DAPK2: variants seen among roughly 807,000 people sequenced by gnomAD.
DAPK2 encodes the protein death-associated protein kinase 2.
Under a neutral mutation model 44.1 loss-of-function variants are expected in DAPK2, and 35 were observed. The ratio of observed to expected loss-of-function variants is 0.79; its 90% confidence interval spans 0.61 to 1.05. The LOEUF (loss-of-function observed/expected upper bound fraction) is 1.05, where lower values mean the gene tolerates loss of function less well. Among genes scored for constraint, DAPK2 ranks in the 50% least tolerant of loss-of-function variants. The pLI, the probability that DAPK2 is intolerant of heterozygous loss-of-function variation, is 0.00. For synonymous variants in DAPK2, 174 were observed against 182.6 expected, an observed-to-expected ratio of 0.95 and a Z score of 0.38; for missense variants, 453 against 483.2, an observed-to-expected ratio of 0.94 and a Z score of 0.59.
intron 2 of DAPK2, among the ~76,000 whole-genome samples, chr15:63,979,718 G>C (rs934941074): frequency 6.6e-6 from 1 of 152,094 alleles, no homozygotes; most frequent in African/African-American, 2.4e-5. Context: ...TTCAAGACCA[G>C]TCTGGCCAAC....
At chr15:63,932,406 A>G (rs551702776) in intron 4 of DAPK2, among the ~76,000 whole-genome samples, 15 of 137,370 alleles carry the variant, frequency 1.1e-4, no homozygotes, top group African/African-American at 4.1e-4. Flanking sequence ...TGGAGGTTGC[A>G]GTTGAGCTGA....
At position 64,046,237 on chromosome 15, in the gene DAPK2, T is replaced by G. The variant is rs2080459481; in HGVS notation, c.-7+61A>C. 1.4e-6 allele frequency: 1 copy of G among 740,374 alleles called. No homozygotes were observed. The highest frequency in any genetic ancestry group is 1.7e-6 in the Non-Finnish European group (1 of 605,984). 45.9% of individuals were successfully genotyped at this position (740,374 alleles called of 1,614,324 possible). On this transcript the variant is annotated intron_variant, in intron 1 of 11. Coordinates refer to the DAPK2 transcript ENST00000457488. The surrounding 1 kb of genome is among the most constrained non-coding windows in gnomAD (Gnocchi z 5.3). The stretch of plus-strand genomic sequence containing the variant: ...CCCCGCCAGCCCCAGACCCGGGCGC[T>G]GCTGCCGTCAGGCCGCGCGCCCCGT...
intron 3 of DAPK2, among the ~76,000 whole-genome samples, chr15:63,951,366 C>T (rs943010693): frequency 6.6e-5 from 10 of 152,112 alleles, no homozygotes; most frequent in Non-Finnish European, 1.3e-4. Context: ...TGATCCATCC[C>T]GTGGAAGGTA....
chr15:64,036,269 A>ATGTG (rs1250243136), intron 1 of DAPK2, among the ~76,000 whole-genome samples: 5 of 74,844 alleles, frequency 6.7e-5, no homozygotes, highest in African/African-American at 2.5e-4. Flanking sequence ...CAAAATATAT[A>ATGTG]TATATGTGTG....
chr15:63,964,485 T>C (rs1404102833), intron 3 of DAPK2, among the ~76,000 whole-genome samples: 4 of 152,328 alleles, frequency 2.6e-5, no homozygotes, highest in Non-Finnish European at 5.9e-5. Flanking sequence ...TACTTGAATA[T>C]TGATATCTTT....
At chr15:64,011,281 T>C (rs1465886025) in intron 1 of DAPK2, among the ~76,000 whole-genome samples, 2 of 152,160 alleles carry the variant, frequency 1.3e-5, no homozygotes, top group Non-Finnish European at 2.9e-5. Flanking sequence ...GATCTCAAGC[T>C]GGGCACAGTG....
intron 3 of DAPK2, among the ~76,000 whole-genome samples, chr15:63,951,460 C>T (rs1779689376): frequency 6.6e-6 from 1 of 152,186 alleles, no homozygotes; most frequent in Admixed American, 6.5e-5. Flanking sequence ...CGTCTATGCA[C>T]ATCACCTCCA....
At chr15:63,946,908 G>T (rs749396734) in intron 3 of DAPK2, among the ~76,000 whole-genome samples, 57 of 152,294 alleles carry the variant, frequency 3.7e-4, no homozygotes, top group Non-Finnish European at 6.8e-4. Context: ...AAGGAAGGCC[G>T]CTCCATGCTA....
chr15:64,033,435 T>C (rs1429652635), intron 1 of DAPK2, among the ~76,000 whole-genome samples: 1 of 152,016 alleles, frequency 6.6e-6, no homozygotes, highest in Non-Finnish European at 1.5e-5. Flanking sequence ...CTTAAATTTA[T>C]TAATTTAAAA....
intron 6 of DAPK2, among the ~76,000 whole-genome samples, chr15:63,926,644 A>T (rs2079282704): frequency 6.6e-6 from 1 of 152,154 alleles, no homozygotes; most frequent in South Asian, 2.1e-4. Flanking sequence ...TTTGTCAAGG[A>T]TGTCATACAA....
At chr15:63,994,609 A>G (rs1238530676) in intron 1 of DAPK2, among the ~76,000 whole-genome samples, 2 of 56,750 alleles carry the variant, frequency 3.5e-5, no homozygotes, top group African/African-American at 7.0e-5. Flanking sequence ...TTTTTTTTTG[A>G]GACGTAGTCT....
chr15:64,015,008 A>T (rs1218852957), intron 1 of DAPK2, among the ~76,000 whole-genome samples: 1 of 151,792 alleles, frequency 6.6e-6, no homozygotes, highest in East Asian at 1.9e-4. Context: ...GCCAAGAGGC[A>T]TGCAGTAAGG....
At chr15:63,929,971 C>A in intron 5 of DAPK2, 1 of 438,768 alleles carries the variant, frequency 2.3e-6, no homozygotes, top group Non-Finnish European at 4.3e-6. Flanking sequence ...AAGCAGCGTC[C>A]AAATGAAACG....
Position 63,917,866 on chromosome 15 carries a change from C to G in DAPK2, c.859-5669G>C, listed in dbSNP as rs2078969703. 6.6e-6 allele frequency: 1 copy of G among 152,166 alleles called. No homozygotes were observed. The highest frequency in any genetic ancestry group is 2.4e-5 in the African/African-American group (1 of 41,430). 9.4% of individuals were successfully genotyped at this position (152,166 alleles called of 1,614,324 possible). Reference sequence around the variant, plus strand: ...TCAGAATTCCTCTCTCCTTTGATTTCTAGGAGATGAGGAAGCTCTATTTTA... The same window carrying G: ...TCAGAATTCCTCTCTCCTTTGATTTGTAGGAGATGAGGAAGCTCTATTTTA... On this transcript the variant is annotated intron_variant, in intron 8 of 10. Transcript: ENST00000261891. The surrounding 1 kb of genome is among the most constrained non-coding windows in gnomAD (Gnocchi z 4.4).
chr15:63,915,868 T>A (rs953741397), intron 8 of DAPK2, among the ~76,000 whole-genome samples: 6 of 152,218 alleles, frequency 3.9e-5, no homozygotes, highest in African/African-American at 1.4e-4. Context: ...TGGAAAGATG[T>A]AAATTCTGCA....
At chr15:63,991,035 C>A (rs1050682445) in intron 1 of DAPK2, among the ~76,000 whole-genome samples, 2 of 152,178 alleles carry the variant, frequency 1.3e-5, no homozygotes, top group African/African-American at 2.4e-5. Flanking sequence ...ATCTTCCAGC[C>A]AGGCCACTCC....
At chr15:64,004,074 T>C (rs1482261032) in intron 1 of DAPK2, among the ~76,000 whole-genome samples, 1 of 151,716 alleles carries the variant, frequency 6.6e-6, no homozygotes, top group East Asian at 1.9e-4. Flanking sequence ...CTTTTAATCT[T>C]TAGGTTCTTC....
chr15:63,933,930 A>C (rs911037699), intron 4 of DAPK2, among the ~76,000 whole-genome samples: 1 of 152,096 alleles, frequency 6.6e-6, no homozygotes, highest in African/African-American at 2.4e-5. Context: ...ATAGATTGAG[A>C]AGCAGAACTC....
chr15:63,947,455 G>A (rs189097315), intron 3 of DAPK2, among the ~76,000 whole-genome samples: 132 of 152,276 alleles, frequency 8.7e-4, no homozygotes, highest in African/African-American at 2.9e-3. Flanking sequence ...GGGCCAATGC[G>A]GTCACATATG....
Sources: gnomAD v4.1 joint callset for allele counts (sites outside exome capture counted in the v4.1 genomes callset) on GRCh38, gnomAD v4.1.1 for gene constraint, Gnocchi (gnomAD v3.1) non-coding constraint, MANE v1.5 for transcripts, NCBI Gene and HGNC (gene_info 2026-07-23, HGNC 2026-07-21) for gene names.